GYG2: variants seen among roughly 807,000 people sequenced by gnomAD.
The protein encoded by GYG2 is glycogenin-2.
Under a neutral mutation model 29.4 loss-of-function variants are expected in GYG2, and 29 were observed. The ratio of observed to expected loss-of-function variants is 0.99; its 90% CI spans 0.74 to 1.35. GYG2 has a LOEUF of 1.35. Among genes scored for constraint, GYG2 ranks in the 40% most tolerant of loss-of-function variants. The probability of loss-of-function intolerance (pLI) is 0.00; values close to 1 mark genes in which losing one functional copy is unlikely to be tolerated. For missense variants in GYG2, 370 were observed against 385.7 expected (o/e 0.96, Z 0.34); for synonymous variants, 167 against 172.3 (o/e 0.97, Z 0.24).
At chrX:2,849,269 A>T (rs527865744) in intron 3 of GYG2, among the ~76,000 whole-genome samples, 2 of 111,151 alleles carry the variant, frequency 1.8e-5, no homozygotes, top group Admixed American at 1.9e-4. Flanking sequence ...TAAATTCCAT[A>T]AATAACTGGG....
At chrX:2,874,076 ACT>A (rs1162196487) in intron 8 of GYG2, among the ~76,000 whole-genome samples, 3 of 108,573 alleles carry the variant, frequency 2.8e-5, no homozygotes, top group Non-Finnish European at 5.7e-5. Context: ...AGCCTGGGTG[ACT>A]CTGTCTCAAA....
intron 8 of GYG2, among the ~76,000 whole-genome samples, chrX:2,863,645 G>A (rs1486672902): frequency 1.8e-5 from 2 of 112,496 alleles, no homozygotes; most frequent in African/African-American, 6.4e-5. Context: ...GAATGTCGGA[G>A]TGGTGATTTC....
chrX:2,862,480 C>T lies in GYG2; in HGVS notation c.1038+758C>T, dbSNP rs147246600. Among the ~76,000 whole-genome samples the T allele has an allele frequency of 0.017, 1,857 of 110,792 alleles. 147 individuals carry two copies. The Admixed American group carries it at 0.17, about 10-fold the overall frequency. On this transcript the variant is annotated intron_variant, in intron 8 of 10. Transcript: ENST00000398806. The stretch of plus-strand genomic sequence containing the variant: ...TTTCAGGTTCAAAAAGGGAGGCTTC[C>T]GTCAGTGCCCCCTCAACCCAACTGC...
intron 3 of GYG2, among the ~76,000 whole-genome samples, chrX:2,851,324 C>T (rs2087867511): frequency 9.0e-6 from 1 of 111,721 alleles, no homozygotes; most frequent in African/African-American, 3.3e-5. Flanking sequence ...CAGCTCATTG[C>T]AACCTCTGCC....
intron 6 of GYG2, among the ~76,000 whole-genome samples, chrX:2,857,263 A>G (rs2088035314): frequency 1.1e-5 from 1 of 90,819 alleles, no homozygotes; most frequent in African/African-American, 4.5e-5. Flanking sequence ...CTATTCAGAT[A>G]GATCTGGATA....
intron 6 of GYG2, among the ~76,000 whole-genome samples, chrX:2,858,297 C>T (rs1004864043): frequency 9.1e-6 from 1 of 110,130 alleles, no homozygotes; most frequent in East Asian, 2.8e-4. Context: ...CCTGTCTCTA[C>T]GAAAAAATAA....
intron 6 of GYG2, among the ~76,000 whole-genome samples, 153 bp downstream of exon 6, chrX:2,856,777 T>TATCTATC (rs1555898856): frequency 6.7e-5 from 5 of 75,014 alleles, no homozygotes; most frequent in Non-Finnish European, 1.4e-4. Context: ...TCTATCTATC[T>TATCTATC]ATCTATCTAT....
chrX:2,879,217 A>G (rs1603460511), intron 10 of GYG2, among the ~76,000 whole-genome samples: 1 of 107,593 alleles, frequency 9.3e-6, no homozygotes, highest in Admixed American at 1.0e-4. Context: ...ATCTTTCTAT[A>G]TATCTATCTC....
intron 10 of GYG2, chrX:2,878,033 T>G (rs1027820642): frequency 5.5e-5 from 41 of 746,798 alleles, no homozygotes; most frequent in Non-Finnish European, 6.3e-5. Context: ...TGGTTACTGT[T>G]CAAATGCAGC....
rs1276944823 is a variant in GYG2 at position 2,875,807 on chromosome X, C to T, written c.1039-3C>T. 2.6e-6 allele frequency: 3 copies of T among 1,142,453 alleles called. No homozygotes were observed. The highest frequency in any genetic ancestry group is 3.6e-6 in the Non-Finnish European group (3 of 835,219). The allele number at this position is 1,142,453 out of a possible 1,213,427, so 94.2% of individuals were successfully genotyped here. A position where few individuals can be genotyped will look rare whatever the true frequency, so the allele number is the denominator to read the frequency against. ...ACTTGCCTTTGCTCTTTCTTTATAA[C>T]AGATGATAGCTTGTCCTGAAACTGA... On this transcript the variant is annotated splice_region_variant and splice_polypyrimidine_tract_variant and intron_variant, in intron 8 of 10. Coordinates refer to ENST00000398806, the MANE Select transcript of GYG2 (RefSeq NM_001079855.2).
At chrX:2,849,414 G>C (rs1240513307) in intron 3 of GYG2, among the ~76,000 whole-genome samples, 1 of 111,674 alleles carries the variant, frequency 9.0e-6, no homozygotes, top group Non-Finnish European at 1.9e-5. Context: ...AGGTCCGAGA[G>C]CTTCAATATC....
intron 3 of GYG2, among the ~76,000 whole-genome samples, chrX:2,844,920 G>C (rs2087629917): frequency 9.6e-6 from 1 of 104,621 alleles, no homozygotes; most frequent in Non-Finnish European, 2.0e-5. Flanking sequence ...ATGTATACCT[G>C]TATGTATATA....
intron 8 of GYG2, 81 bp downstream of exon 8, chrX:2,861,803 C>A: frequency 2.6e-6 from 2 of 758,986 alleles, no homozygotes; most frequent in Non-Finnish European, 3.9e-6. Context: ...GCTTCCCTGG[C>A]TCCCTGGGGA....
At chrX:2,857,097 A>C (rs1369928983) in intron 6 of GYG2, among the ~76,000 whole-genome samples, 1 of 109,156 alleles carries the variant, frequency 9.2e-6, no homozygotes, top group Non-Finnish European at 1.9e-5. Flanking sequence ...ATCTAGATCT[A>C]GATATCTATA....
chrX:2,861,566 T>C lies in GYG2; in HGVS notation c.882T>C (p.Ser294=). The C allele has an allele frequency of 8.3e-7, 1 of 1,209,214 alleles. No individual in the cohort carries two copies. The highest frequency in any genetic ancestry group is 1.1e-6 in the Non-Finnish European group (1 of 893,864). Residue 294 remains serine, a synonymous_variant, in exon 8 of 11, where the codon TCT becomes TCC. Coordinates refer to ENST00000398806, the MANE Select transcript of GYG2 (RefSeq NM_001079855.2). ...GGGGGCCGTGTGCGGATTCAGCCTCTGGTGTTGGAGAGCCGTGTGAAAATT... is the reference window on the plus strand; with the variant it reads ...GGGGGCCGTGTGCGGATTCAGCCTCCGGTGTTGGAGAGCCGTGTGAAAATT... ...DVGGPCADSA[S]GVGEPCENST... is the part of the protein sequence containing the mutation.
intron 3 of GYG2, among the ~76,000 whole-genome samples, chrX:2,845,718 T>C (rs185493359): frequency 2.0e-3 from 210 of 106,073 alleles, no homozygotes; most frequent in African/African-American, 7.1e-3. Context: ...TATGTACATA[T>C]ATTTATGCAT....
intron 2 of GYG2, among the ~76,000 whole-genome samples, chrX:2,840,389 C>G (rs1171247542): frequency 8.9e-6 from 1 of 111,753 alleles, no homozygotes; most frequent in African/African-American, 3.3e-5. Context: ...CCAACTCTGT[C>G]CTCTGCTTAG....
At chrX:2,831,266 AT>A (rs1298462552) in intron 2 of GYG2, among the ~76,000 whole-genome samples, 1 of 112,343 alleles carries the variant, frequency 8.9e-6, no homozygotes, top group Non-Finnish European at 1.9e-5. Flanking sequence ...GGGTCTTGCT[AT>A]GTTGCCCAGG....
intron 10 of GYG2, among the ~76,000 whole-genome samples, chrX:2,880,240 G>T (rs2088690688): frequency 9.2e-6 from 1 of 108,164 alleles, no homozygotes; most frequent in Non-Finnish European, 1.9e-5. Context: ...CCCTTAAGAA[G>T]GCAGGAACTC....
Sources: allele counts gnomAD v4.1 joint callset (sites outside exome capture counted in the v4.1 genomes callset), GRCh38; gene constraint gnomAD v4.1.1; transcripts MANE v1.5; gene names NCBI Gene and HGNC (gene_info 2026-07-23, HGNC 2026-07-21).